Variants in SNX30 observed in about 807,000 individuals in gnomAD.
SNX30 encodes the protein sorting nexin-30.
A neutral mutation model predicts 46.4 loss-of-function variants in SNX30; 24 were observed. The observed-to-expected ratio is 0.52, with a 90% confidence interval of 0.37 to 0.73. The LOEUF (loss-of-function observed/expected upper bound fraction) is 0.73. Among genes scored for constraint, SNX30 ranks in the 30% least tolerant of loss-of-function variants. The pLI is 0.00. For synonymous variants in SNX30, 189 were observed against 211.5 expected, an observed-to-expected ratio of 0.89 and a Z score of 0.92; for missense variants, 533 against 555.7, an observed-to-expected ratio of 0.96 and a Z score of 0.41.
chr9:112,817,010 T>C (rs754861500), intron 2 of SNX30, among the ~76,000 whole-genome samples: 1 of 152,248 alleles, frequency 6.6e-6, no homozygotes, highest in Non-Finnish European at 1.5e-5. Flanking sequence ...TTAATATTTT[T>C]CTGCAATGCA....
At chr9:112,786,341 G>A (rs984198647) in intron 1 of SNX30, among the ~76,000 whole-genome samples, 1 of 151,800 alleles carries the variant, frequency 6.6e-6, no homozygotes, top group Non-Finnish European at 1.5e-5. Context: ...GGCTGGTCTC[G>A]AACTCCTGGA....
chr9:112,778,034 G>A (rs747942753), intron 1 of SNX30, among the ~76,000 whole-genome samples: 14 of 152,046 alleles, frequency 9.2e-5, no homozygotes, highest in Non-Finnish European at 1.8e-4. Context: ...GGCTGGGGCT[G>A]CAGTCAACTG....
intron 7 of SNX30, among the ~76,000 whole-genome samples, chr9:112,860,489 A>G (rs1369502809): frequency 2.0e-5 from 3 of 152,184 alleles, no homozygotes; most frequent in Admixed American, 6.5e-5. Flanking sequence ...TCCAGACTAG[A>G]AACTTCAGGC....
At chr9:112,809,859 A>G (rs756483345) in intron 2 of SNX30, among the ~76,000 whole-genome samples, 34 of 151,558 alleles carry the variant, frequency 2.2e-4, no homozygotes, top group Non-Finnish European at 4.3e-4. Flanking sequence ...GGTTTGAGGG[A>G]GAGGGAGGCT....
chr9:112,827,120 T>C (rs1003193009), intron 3 of SNX30, among the ~76,000 whole-genome samples: 1 of 152,218 alleles, frequency 6.6e-6, no homozygotes, highest in African/African-American at 2.4e-5. Flanking sequence ...ACATCTTCTC[T>C]GAATATTCCC....
intron 1 of SNX30, among the ~76,000 whole-genome samples, chr9:112,755,813 G>A (rs1471159285): frequency 3.3e-5 from 5 of 151,972 alleles, no homozygotes; most frequent in Admixed American, 2.6e-4. Flanking sequence ...TGTCAGCCTT[G>A]TTCTCATGCC....
chr9:112,809,501 G>A (rs910271341), intron 2 of SNX30, among the ~76,000 whole-genome samples: 1 of 151,950 alleles, frequency 6.6e-6, no homozygotes, highest in African/African-American at 2.4e-5. Flanking sequence ...AAACAGAGGC[G>A]AGCCTTCAAT....
chr9:112,882,103 T>C (rs185549243), downstream of SNX30, among the ~76,000 whole-genome samples: 252 of 152,142 alleles, frequency 1.7e-3, 1 homozygote, highest in Middle Eastern at 3.4e-3. Flanking sequence ...TTTTTTGTTG[T>C]TGTTGTTTTT....
At position 112,778,655 on chromosome 9, in the gene SNX30, G is replaced by A. The variant is rs185617500; in HGVS notation, c.157-26121G>A. 3.3e-5 allele frequency among the ~76,000 whole-genome samples: 5 copies of A among 152,310 alleles called. No homozygotes were observed. The East Asian group carries it at 7.7e-4, about 23-fold the overall frequency. ...TTGATAGACATCATCTCTTGATGGGGAAGTGGCCAGGTCACATGACAGATA... is the reference window on the plus strand; with the variant it reads ...TTGATAGACATCATCTCTTGATGGGAAAGTGGCCAGGTCACATGACAGATA... On this transcript the variant is annotated intron_variant, in intron 1 of 8. Transcript: ENST00000374232.
At chr9:112,865,661 A>ATATATATATGTG in intron 8 of SNX30, among the ~76,000 whole-genome samples, 5 of 105,686 alleles carry the variant, frequency 4.7e-5, no homozygotes, top group South Asian at 3.4e-4. Flanking sequence ...ATATATATAT[A>ATATATATATGTG]TGTATGTATG....
chr9:112,805,032 G>C (rs1460063977), intron 2 of SNX30, 65 bp downstream of exon 2: 14 of 1,362,870 alleles, frequency 1.0e-5, no homozygotes, highest in Non-Finnish European at 1.2e-5. Flanking sequence ...CTACCTCAGT[G>C]AATTTTGCCT....
At chr9:112,776,872 G>A (rs895919302) in intron 1 of SNX30, among the ~76,000 whole-genome samples, 9 of 152,200 alleles carry the variant, frequency 5.9e-5, no homozygotes, top group African/African-American at 2.2e-4. Context: ...TACCCTGCAG[G>A]TAGAGAATTT....
chr9:112,841,724 A>ACC, intron 6 of SNX30, among the ~76,000 whole-genome samples: 1 of 152,262 alleles, frequency 6.6e-6, no homozygotes, highest in East Asian at 1.9e-4. Flanking sequence ...GGCTGGGACT[A>ACC]AAGACACCAG....
chr9:112,787,157 T>C (rs929417948), intron 1 of SNX30, among the ~76,000 whole-genome samples: 3 of 152,184 alleles, frequency 2.0e-5, no homozygotes. Flanking sequence ...GTGTGGAAAC[T>C]GTGTCTCAGG....
intron 1 of SNX30, among the ~76,000 whole-genome samples, chr9:112,789,902 T>C (rs935820297): frequency 1.3e-5 from 2 of 152,224 alleles, no homozygotes; most frequent in Non-Finnish European, 2.9e-5. Context: ...GTGACAAAGC[T>C]TTGAAACAGG....
chr9:112,862,263 C>T (rs1386990300), intron 7 of SNX30, among the ~76,000 whole-genome samples: 6 of 152,222 alleles, frequency 3.9e-5, no homozygotes, highest in Admixed American at 1.3e-4. Context: ...CTCCTCTCCA[C>T]GTGTCCTGGT....
chr9:112,821,764 G>A (rs140580792), intron 3 of SNX30, among the ~76,000 whole-genome samples: 1 of 151,774 alleles, frequency 6.6e-6, no homozygotes, highest in South Asian at 2.1e-4. Context: ...GGGATTACAG[G>A]CTTGAGCCAC....
intron 4 of SNX30, among the ~76,000 whole-genome samples, chr9:112,834,701 G>A (rs967767877): frequency 9.2e-5 from 14 of 152,086 alleles, no homozygotes; most frequent in African/African-American, 3.4e-4. Context: ...CCTGCCTTGG[G>A]GCAGGTGAAA....
intron 3 of SNX30, among the ~76,000 whole-genome samples, chr9:112,823,672 G>A (rs571650125): frequency 6.6e-6 from 1 of 152,254 alleles, no homozygotes; most frequent in East Asian, 1.9e-4. Flanking sequence ...TTTCTTTTGA[G>A]TAGTAGTAAA....
Sources: allele counts gnomAD v4.1 joint callset (sites outside exome capture counted in the v4.1 genomes callset), GRCh38; gene constraint gnomAD v4.1.1; transcripts MANE v1.5; gene names NCBI Gene and HGNC (gene_info 2026-07-23, HGNC 2026-07-21).